Variants in NOL4L observed in about 807,000 individuals in gnomAD.
The protein encoded by NOL4L is nucleolar protein 4 like.
NOL4L carries 7 observed loss-of-function variants against 64.5 expected under a neutral mutation model. That is an observed-to-expected ratio of 0.11 (90% CI 0.06 to 0.20). NOL4L has a LOEUF of 0.20. NOL4L is among the 10% of genes least tolerant of loss of function. The probability of loss-of-function intolerance (pLI) is 1.00; values close to 1 mark genes in which losing one functional copy is unlikely to be tolerated. For missense variants in NOL4L, 680 were observed against 967.1 expected (o/e 0.70, Z 3.94); for synonymous variants, 413 against 401.0 (o/e 1.03, Z -0.36).
rs58257913 is a variant in NOL4L at position 32,554,320 on chromosome 20, C to CAAAA, written c.322-26411_322-26408dup. The stretch of plus-strand genomic sequence containing the variant: ...TGGGCGACAGAGTGAGACTCTGCCT[C>CAAAA]AAAAAAAAAAAAAAAAAAAAAAGGA... On this transcript the variant is annotated intron_variant, in intron 1 of 10. Transcript: ENST00000621426. Among the ~76,000 whole-genome samples, 268 of 64,030 alleles carry CAAAA rather than the reference C, an allele frequency of 4.2e-3. 13 individuals are homozygous for CAAAA. The highest frequency in any genetic ancestry group is 0.016 in the African/African-American group (250 of 15,884). 42.0% of individuals were successfully genotyped at this position (64,030 alleles called of 152,430 possible).
chr20:32,521,557 T>C (rs748735188), intron 2 of NOL4L, among the ~76,000 whole-genome samples: 3 of 152,122 alleles, frequency 2.0e-5, no homozygotes, highest in African/African-American at 4.8e-5. Context: ...CTAAACCCCA[T>C]GTTCCAGGTC....
rs2016316987 is a variant in NOL4L at position 32,488,864 on chromosome 20, TTTCTTTCTTTC to T, written c.700-14133_700-14123del. Among the ~76,000 whole-genome samples, 16 of 103,104 alleles carry T rather than the reference TTTCTTTCTTTC, an allele frequency of 1.6e-4. No individual in the cohort carries two copies. In the South Asian group the frequency reaches 4.6e-3, roughly 30 times the overall value. The allele number at this position is 103,104 out of a possible 152,430, so 67.6% of individuals were successfully genotyped here. The stretch of plus-strand genomic sequence containing the variant: ...CTTTCTTTCTTTCTTTCTTTCTTTC[TTTCTTTCTTTC>T]TTTCTTTCTTTCTTTCTTTCCTCTC... On this transcript the variant is annotated intron_variant, in intron 4 of 10. Transcript: ENST00000621426.
rs1452590916 is a variant in NOL4L, at chr20:32,532,295, C to T, written c.322-4382G>A. 3.3e-5 allele frequency: 31 copies of T among 949,454 alleles called. No homozygotes were observed. In the South Asian group the frequency reaches 7.3e-4, roughly 22 times the overall value. 58.8% of individuals were successfully genotyped at this position (949,454 alleles called of 1,614,324 possible). On this transcript the variant is annotated intron_variant, in intron 1 of 10. Coordinates refer to ENST00000621426, the MANE Select transcript of NOL4L (RefSeq NM_001256798.2). ...CCTGGAGCGACCAGAACTCAAACCA[C>T]GCAAGGGCTGCAGAGCCATACCTTG...
At chr20:32,541,018 C>T (rs1239586446) in intron 1 of NOL4L, among the ~76,000 whole-genome samples, 3 of 144,714 alleles carry the variant, frequency 2.1e-5, no homozygotes, top group East Asian at 2.0e-4. Flanking sequence ...TACACACACA[C>T]ACACACACAC....
At chr20:32,495,128 A>G (rs536937940) in intron 4 of NOL4L, among the ~76,000 whole-genome samples, 1 of 152,284 alleles carries the variant, frequency 6.6e-6, no homozygotes, top group East Asian at 1.9e-4. Context: ...TAGTTCCCTC[A>G]CTTGTGGACT....
chr20:32,447,302 GA>G lies in NOL4L; in HGVS notation c.*293del. On this transcript the variant is annotated 3_prime_UTR_variant, in exon 11 of 11. Transcript: ENST00000621426. ...GGGTCCACGAAGGTGATTCTAAACA[GA>G]GCTGCAGCCCCAGCGCCTTGTCAGG... 1 of 599,558 alleles carries G rather than the reference GA, an allele frequency of 1.7e-6. No homozygotes were observed. Among genetic ancestry groups the G allele is most frequent in the Non-Finnish European group, 3.1e-6 (1 of 321,786 alleles). 37.1% of individuals were successfully genotyped at this position (599,558 alleles called of 1,614,324 possible).
chr20:32,485,807 C>A (rs2016065291), intron 4 of NOL4L: 1 of 469,578 alleles, frequency 2.1e-6, no homozygotes, highest in African/African-American at 2.0e-5. Context: ...CCTTTCCCCA[C>A]CACATTTTCA....
chr20:32,477,354 A>G (rs749329558), intron 4 of NOL4L, among the ~76,000 whole-genome samples: 23 of 152,224 alleles, frequency 1.5e-4, no homozygotes, highest in East Asian at 5.8e-4. Flanking sequence ...GATCTGTGCA[A>G]TCGCCAAGGA....
chr20:32,452,659 C>T (rs2013048045), intron 9 of NOL4L, among the ~76,000 whole-genome samples: 1 of 152,220 alleles, frequency 6.6e-6, no homozygotes, highest in African/African-American at 2.4e-5. Context: ...GATCAGGGCC[C>T]TCTGGTCTCC....
chr20:32,485,856 CA>C (rs2016067661), intron 4 of NOL4L: 2 of 442,398 alleles, frequency 4.5e-6, no homozygotes, highest in Admixed American at 5.2e-5. Flanking sequence ...TACTATTTCA[CA>C]GCAGTGGTGG....
chr20:32,507,794 G>C (rs1411758716), intron 4 of NOL4L, among the ~76,000 whole-genome samples: 1 of 152,168 alleles, frequency 6.6e-6, no homozygotes, highest in Non-Finnish European at 1.5e-5. Context: ...TGGATCATGA[G>C]GTCAGGAGTT....
chr20:32,496,468 G>T (rs1033401045), intron 4 of NOL4L, among the ~76,000 whole-genome samples: 3 of 152,126 alleles, frequency 2.0e-5, no homozygotes, highest in Non-Finnish European at 4.4e-5. Context: ...ATTCACTGTG[G>T]TATCTTCCGT....
At chr20:32,510,172 T>C (rs556072108) in intron 4 of NOL4L, 3 of 366,186 alleles carry the variant, frequency 8.2e-6, no homozygotes, top group African/African-American at 4.2e-5. Context: ...GATGCAACCA[T>C]CCCAGAACAG....
At chr20:32,536,951 G>A (rs2018552706) in intron 1 of NOL4L, 1 of 593,818 alleles carries the variant, frequency 1.7e-6, no homozygotes, top group Non-Finnish European at 2.1e-6. Context: ...TGGAGACCGC[G>A]CCCGCGCGGG....
chr20:32,495,391 G>A (rs1170640399), intron 4 of NOL4L, among the ~76,000 whole-genome samples: 2 of 152,184 alleles, frequency 1.3e-5, no homozygotes, highest in Admixed American at 6.6e-5. Flanking sequence ...CTTCGGCACC[G>A]CAAGCCAAAG....
intron 1 of NOL4L, among the ~76,000 whole-genome samples, chr20:32,530,079 A>C (rs900632176): frequency 4.6e-5 from 7 of 152,172 alleles, no homozygotes; most frequent in African/African-American, 1.7e-4. Context: ...GGCTCTTCAT[A>C]TACTGCCATG....
intron 1 of NOL4L, among the ~76,000 whole-genome samples, chr20:32,576,562 G>C (rs943158365): frequency 6.6e-6 from 1 of 152,134 alleles, no homozygotes; most frequent in African/African-American, 2.4e-5. Context: ...CCTTGAGTGA[G>C]TTCCCTCCAC....
chr20:32,552,959 C>G (rs539433615), intron 1 of NOL4L, among the ~76,000 whole-genome samples: 1 of 152,192 alleles, frequency 6.6e-6, no homozygotes, highest in African/African-American at 2.4e-5. Context: ...GCTAAGATTA[C>G]TCACTGGCCC....
chr20:32,526,222 G>A (rs2018127518), intron 2 of NOL4L, among the ~76,000 whole-genome samples: 1 of 152,190 alleles, frequency 6.6e-6, no homozygotes, highest in Non-Finnish European at 1.5e-5. Flanking sequence ...AGAAAATGTG[G>A]TCTTGTCAGT....
Sources: gnomAD v4.1 joint callset for allele counts (sites outside exome capture counted in the v4.1 genomes callset) on GRCh38, gnomAD v4.1.1 for gene constraint, MANE v1.5 for transcripts, NCBI Gene and HGNC (gene_info 2026-07-23, HGNC 2026-07-21) for gene names.